Variants in PTBP2 observed in about 807,000 individuals in gnomAD.
PTBP2 encodes the protein polypyrimidine tract-binding protein 2.
A neutral mutation model predicts 61.4 loss-of-function variants in PTBP2; 13 were observed. The ratio of observed to expected loss-of-function variants is 0.21; its 90% CI spans 0.14 to 0.34. The LOEUF (loss-of-function observed/expected upper bound fraction) is 0.34, where lower values mean the gene tolerates loss of function less well. PTBP2 is among the 10% of genes least tolerant of loss of function. The pLI is 1.00. For missense variants in PTBP2, 405 were observed against 642.6 expected (o/e 0.63, Z 4.00); for synonymous variants, 215 against 218.5 (o/e 0.98, Z 0.14).
intron 3 of PTBP2, among the ~76,000 whole-genome samples, chr1:96,765,213 T>G (rs2100990028): frequency 6.6e-6 from 1 of 152,306 alleles, no homozygotes; most frequent in African/African-American, 2.4e-5. Flanking sequence ...CTTCTTTGCC[T>G]CTCAGTTTCA....
At chr1:96,775,742 A>C (rs12129113) in intron 5 of PTBP2, among the ~76,000 whole-genome samples, 2,731 of 152,234 alleles carry the variant, frequency 0.018, 34 homozygotes, top group Non-Finnish European at 0.027. Flanking sequence ...CTAGGTTTGC[A>C]AGCCAACACT....
At chr1:96,764,844 G>A (rs1312412698) in intron 3 of PTBP2, among the ~76,000 whole-genome samples, 1 of 152,190 alleles carries the variant, frequency 6.6e-6, no homozygotes, top group Non-Finnish European at 1.5e-5. Context: ...GGTAGTGAGA[G>A]CCTTCTCTAG....
At chr1:96,747,879 T>A (rs77185944) in intron 2 of PTBP2, among the ~76,000 whole-genome samples, 360 of 152,282 alleles carry the variant, frequency 2.4e-3, no homozygotes, top group Non-Finnish European at 4.0e-3. Context: ...ATTTGTGTAT[T>A]TCATTGTCTT....
chr1:96,735,327 C>T (rs1353963948), intron 2 of PTBP2, among the ~76,000 whole-genome samples: 1 of 152,090 alleles, frequency 6.6e-6, no homozygotes, highest in African/African-American at 2.4e-5. Context: ...TAAGTTGGAA[C>T]TATTGATGGT....
At chr1:96,791,002 G>A (rs1659728720) in intron 8 of PTBP2, among the ~76,000 whole-genome samples, 1 of 122,818 alleles carries the variant, frequency 8.1e-6, no homozygotes, top group East Asian at 2.2e-4. Context: ...CACTTTTCTC[G>A]TATACATAAT....
intron 3 of PTBP2, among the ~76,000 whole-genome samples, chr1:96,758,515 A>T (rs961055176): frequency 2.6e-5 from 4 of 152,086 alleles, no homozygotes; most frequent in African/African-American, 9.6e-5. Flanking sequence ...TTGGTAAATC[A>T]CCTCCGGTAG....
chr1:96,808,869 T>G (rs1661760540), intron 11 of PTBP2, among the ~76,000 whole-genome samples: 1 of 152,092 alleles, frequency 6.6e-6, no homozygotes, highest in Non-Finnish European at 1.5e-5. Flanking sequence ...CTATTTAGTA[T>G]GGTGTACTAA....
intron 1 of PTBP2, among the ~76,000 whole-genome samples, chr1:96,723,195 A>G (rs1649871434): frequency 6.6e-6 from 1 of 152,190 alleles, no homozygotes; most frequent in Non-Finnish European, 1.5e-5. Context: ...CAAAACTTGC[A>G]CTAGAATTCA....
chr1:96,757,513 A>G (rs1655291628), intron 3 of PTBP2, among the ~76,000 whole-genome samples: 1 of 152,194 alleles, frequency 6.6e-6, no homozygotes, highest in South Asian at 2.1e-4. Context: ...TTTAAAACAT[A>G]ATTTATGGCA....
chr1:96,806,448 C>G lies in PTBP2; in HGVS notation c.1074C>G (p.Leu358=), dbSNP rs1661502465. 1 of 1,604,716 alleles carries G rather than the reference C, an allele frequency of 6.2e-7. No individual in the cohort carries two copies. The highest frequency in any genetic ancestry group is 1.1e-5 in the South Asian group (1 of 90,910). The change falls in exon 10 of 14, where the codon CTC becomes CTG. Residue 358 remains leucine, a synonymous_variant. Coordinates refer to ENST00000674951, the MANE Select transcript of PTBP2 (RefSeq NM_021190.4). ...EMVTPQSLFT[L]FGVYGDVQRV... is the part of the protein sequence containing the mutation. Reference sequence around the variant, plus strand: ...TTACGCCCCAAAGTCTGTTTACCCTCTTCGGTATGTTATTGTTAGCACTAT... The same window carrying G: ...TTACGCCCCAAAGTCTGTTTACCCTGTTCGGTATGTTATTGTTAGCACTAT...
intron 7 of PTBP2, among the ~76,000 whole-genome samples, chr1:96,783,012 C>A (rs1305769827): frequency 6.6e-6 from 1 of 151,910 alleles, no homozygotes; most frequent in Non-Finnish European, 1.5e-5. Flanking sequence ...GGTCTTTCTG[C>A]AAATTATCTT....
At chr1:96,723,731 G>T (rs1404516310) in intron 2 of PTBP2, 137 bp downstream of exon 2, 12 of 716,740 alleles carry the variant, frequency 1.7e-5, no homozygotes, top group Non-Finnish European at 2.5e-5. Context: ...CATTTGTAAA[G>T]TTGGACCATA....
intron 3 of PTBP2, among the ~76,000 whole-genome samples, chr1:96,752,191 G>A (rs1287637704): frequency 2.6e-5 from 4 of 151,844 alleles, no homozygotes; most frequent in African/African-American, 9.7e-5. Flanking sequence ...GAATTGACGT[G>A]TTCTCATCTG....
intron 3 of PTBP2, among the ~76,000 whole-genome samples, chr1:96,759,862 T>G (rs1655601693): frequency 1.3e-5 from 2 of 152,102 alleles, no homozygotes; most frequent in South Asian, 4.1e-4. Context: ...AGAAACCAGT[T>G]TAATGAATTT....
intron 8 of PTBP2, among the ~76,000 whole-genome samples, chr1:96,791,453 TG>T (rs1264924224): frequency 1.3e-5 from 2 of 152,348 alleles, no homozygotes; most frequent in African/African-American, 4.8e-5. Flanking sequence ...TCTAAGTTTT[TG>T]GGTTTCTTGA....
At chr1:96,770,594 GTAACCTGAAGGATTA>G (rs1288248193) in intron 4 of PTBP2, 99 bp from the exon 5 acceptor site, 14 of 967,568 alleles carry the variant, frequency 1.4e-5, no homozygotes, top group Non-Finnish European at 1.5e-5. Context: ...ACATTTAAAA[GTAACCTGAAGGATTA>G]TATTCTAGAT....
intron 5 of PTBP2, among the ~76,000 whole-genome samples, chr1:96,775,877 A>G (rs71656163): frequency 6.6e-6 from 1 of 152,120 alleles, no homozygotes; most frequent in Non-Finnish European, 1.5e-5. Flanking sequence ...AAGATAGAGA[A>G]CAATGAATAG....
chr1:96,744,862 G>A (rs1394729821), intron 2 of PTBP2, among the ~76,000 whole-genome samples: 4 of 151,862 alleles, frequency 2.6e-5, no homozygotes, highest in South Asian at 4.2e-4. Context: ...TAACATGCCC[G>A]GTTTTACTTA....
chr1:96,778,425 T>G (rs1051125643), intron 7 of PTBP2, among the ~76,000 whole-genome samples: 1 of 152,042 alleles, frequency 6.6e-6, no homozygotes, highest in African/African-American at 2.4e-5. Context: ...TCTAGTCACT[T>G]TTTATTCATA....
Sources: allele counts gnomAD v4.1 joint callset (sites outside exome capture counted in the v4.1 genomes callset), GRCh38; gene constraint gnomAD v4.1.1; transcripts MANE v1.5; gene names NCBI Gene and HGNC (gene_info 2026-07-23, HGNC 2026-07-21).